The following ELAVL4 variants were observed in gnomAD, a reference collection of about 807,000 sequenced individuals.
ELAVL4 encodes the protein ELAV-like protein 4.
ELAVL4 carries 1 observed loss-of-function variant against 35.6 expected under a neutral mutation model. The ratio of observed to expected loss-of-function variants is 0.03; its 90% CI spans 0.01 to 0.13. ELAVL4 has a LOEUF of 0.13. ELAVL4 is among the 10% of genes least tolerant of loss of function. The pLI is 1.00. For synonymous variants in ELAVL4, 156 were observed against 171.0 expected, an observed-to-expected ratio of 0.91 and a Z score of 0.69; for missense variants, 267 against 464.9, an observed-to-expected ratio of 0.57 and a Z score of 3.91.
At chr1:50,091,673 C>T (rs929905999) in intron 1 of ELAVL4, among the ~76,000 whole-genome samples, 2 of 152,168 alleles carry the variant, frequency 1.3e-5, no homozygotes, top group Non-Finnish European at 1.5e-5. Context: ...GAAGCACTGA[C>T]CTCCATTAAA....
intron 1 of ELAVL4, among the ~76,000 whole-genome samples, chr1:50,139,240 C>A (rs2148668118): frequency 6.6e-6 from 1 of 152,252 alleles, no homozygotes; most frequent in Middle Eastern, 3.4e-3. Flanking sequence ...TTATCTGGGA[C>A]CTACCGATTG....
intron 1 of ELAVL4, among the ~76,000 whole-genome samples, chr1:50,058,025 C>T (rs766925934): frequency 3.9e-5 from 6 of 151,986 alleles, no homozygotes; most frequent in African/African-American, 7.3e-5. Flanking sequence ...AAGACAGCAC[C>T]GAAACATTTT....
At chr1:50,161,696 T>C (rs1475152514) in intron 2 of ELAVL4, among the ~76,000 whole-genome samples, 2 of 152,188 alleles carry the variant, frequency 1.3e-5, no homozygotes, top group Non-Finnish European at 2.9e-5. Context: ...GACAAGAAAA[T>C]ACCTCCTTTG....
intron 1 of ELAVL4, among the ~76,000 whole-genome samples, chr1:50,139,853 G>A (rs987175662): frequency 1.3e-5 from 2 of 152,100 alleles, no homozygotes; most frequent in African/African-American, 2.4e-5. Flanking sequence ...TGTATATTTT[G>A]CAGAAAAGAG....
chr1:50,197,568 T>A, intron 6 of ELAVL4, 101 bp downstream of exon 6: 2 of 979,970 alleles, frequency 2.0e-6, no homozygotes, highest in South Asian at 2.5e-5. Context: ...AAGAAAAAAA[T>A]TCTTCCTTTT....
intron 1 of ELAVL4, among the ~76,000 whole-genome samples, chr1:50,096,602 G>T (rs138535121): frequency 2.0e-5 from 3 of 152,016 alleles, no homozygotes; most frequent in African/African-American, 7.2e-5. Context: ...TTAGGCAGGG[G>T]AGTAACAGAA....
intron 1 of ELAVL4, among the ~76,000 whole-genome samples, chr1:50,137,428 A>T (rs1243797537): frequency 1.3e-5 from 2 of 151,644 alleles, no homozygotes; most frequent in Non-Finnish European, 2.9e-5. Flanking sequence ...AATATTAACT[A>T]CTCAGGAGGT....
intron 1 of ELAVL4, among the ~76,000 whole-genome samples, chr1:50,067,848 A>C (rs1431575779): frequency 6.6e-6 from 1 of 152,156 alleles, no homozygotes; most frequent in East Asian, 1.9e-4. Context: ...GTCCTTCTTC[A>C]CATGATGGCA....
intron 2 of ELAVL4, among the ~76,000 whole-genome samples, chr1:50,146,236 A>T (rs544867272): frequency 2.0e-5 from 3 of 152,086 alleles, no homozygotes; most frequent in Non-Finnish European, 4.4e-5. Flanking sequence ...AATACATTCT[A>T]TATGTGTGTG....
At chr1:50,075,310 GT>G (rs1664710780) in intron 1 of ELAVL4, among the ~76,000 whole-genome samples, 1 of 152,182 alleles carries the variant, frequency 6.6e-6, no homozygotes, top group African/African-American at 2.4e-5. Context: ...AGCAGCATGA[GT>G]TTTTTCCTTC....
At chr1:50,179,274 G>T (rs1327286494) in intron 3 of ELAVL4, among the ~76,000 whole-genome samples, 2 of 152,066 alleles carry the variant, frequency 1.3e-5, no homozygotes, top group East Asian at 3.9e-4. Flanking sequence ...TGCCATGGCT[G>T]AATCAATAAT....
At chr1:50,193,536 T>C (rs1293155917) in intron 3 of ELAVL4, among the ~76,000 whole-genome samples, 1 of 152,182 alleles carries the variant, frequency 6.6e-6, no homozygotes, top group Admixed American at 6.5e-5. Flanking sequence ...GACCCTTATC[T>C]GTGCATTTGT....
chr1:50,138,882 A>C (rs1480234936), intron 1 of ELAVL4, among the ~76,000 whole-genome samples: 1 of 152,208 alleles, frequency 6.6e-6, no homozygotes, highest in African/African-American at 2.4e-5. Flanking sequence ...ATAGAGTTTC[A>C]GACTTACAAG....
intron 3 of ELAVL4, chr1:50,180,378 T>G (rs1486982615): frequency 6.6e-6 from 1 of 152,156 alleles, no homozygotes; most frequent in Admixed American, 6.5e-5. Context: ...ATGCAAATAT[T>G]CCAAAATCTA....
intron 3 of ELAVL4, among the ~76,000 whole-genome samples, chr1:50,193,029 T>C (rs1253703577): frequency 2.0e-5 from 3 of 152,186 alleles, no homozygotes; most frequent in African/African-American, 7.2e-5. Flanking sequence ...CTTCTCTCTC[T>C]CTACTGCCCT....
At chr1:50,091,767 C>T (rs1665505586) in intron 1 of ELAVL4, among the ~76,000 whole-genome samples, 1 of 152,198 alleles carries the variant, frequency 6.6e-6, no homozygotes, top group Admixed American at 6.5e-5. Flanking sequence ...CTTCTAAGCA[C>T]TTTCACTTCT....
At chr1:50,161,061 T>C (rs1676719669) in intron 2 of ELAVL4, among the ~76,000 whole-genome samples, 1 of 152,216 alleles carries the variant, frequency 6.6e-6, no homozygotes. Flanking sequence ...CTTCCTCTTT[T>C]GTTGCTAAAC....
At chr1:50,163,581 C>A (rs1483184134) in intron 2 of ELAVL4, among the ~76,000 whole-genome samples, 1 of 152,158 alleles carries the variant, frequency 6.6e-6, no homozygotes, top group Non-Finnish European at 1.5e-5. Flanking sequence ...AATACCAGCA[C>A]TTTGGGAGGT....
At chr1:50,161,249 CT>C (rs540373679) in intron 2 of ELAVL4, among the ~76,000 whole-genome samples, 9 of 151,372 alleles carry the variant, frequency 5.9e-5, no homozygotes, top group South Asian at 2.1e-4. Flanking sequence ...AAATCATCCT[CT>C]TTTTTTTTCA....
Sources: allele counts gnomAD v4.1 joint callset (sites outside exome capture counted in the v4.1 genomes callset), GRCh38; gene constraint gnomAD v4.1.1; transcripts MANE v1.5; gene names NCBI Gene and HGNC (gene_info 2026-07-23, HGNC 2026-07-21).